Variants in FSTL4 observed in about 807,000 individuals in gnomAD.
FSTL4 encodes follistatin like 4, also known as follistatin-related protein 4.
Under a neutral mutation model 78.2 loss-of-function variants are expected in FSTL4, and 28 were observed. The ratio of observed to expected loss-of-function variants is 0.36; its 90% CI spans 0.27 to 0.49. The LOEUF is 0.49. Ranked by LOEUF, FSTL4 falls within the 20% of genes least tolerant of loss-of-function variation. The pLI, the probability that FSTL4 is intolerant of heterozygous loss-of-function variation, is 0.98. For missense variants in FSTL4, 922 were observed against 1,084.9 expected, an observed-to-expected ratio of 0.85 and a Z score of 2.11; for synonymous variants, 422 against 440.5, an observed-to-expected ratio of 0.96 and a Z score of 0.53.
chr5:133,454,032 T>C (rs1757434485), intron 3 of FSTL4, among the ~76,000 whole-genome samples: 1 of 152,226 alleles, frequency 6.6e-6, no homozygotes, highest in African/African-American at 2.4e-5. Flanking sequence ...AATTTATTTA[T>C]CTAGCTGAGC....
chr5:133,424,037 G>A (rs1239795293), intron 3 of FSTL4, among the ~76,000 whole-genome samples: 1 of 152,202 alleles, frequency 6.6e-6, no homozygotes, highest in Non-Finnish European at 1.5e-5. Context: ...CAGACCAGCA[G>A]GGCCGAGCCG....
intron 3 of FSTL4, among the ~76,000 whole-genome samples, chr5:133,517,034 A>G (rs772928268): frequency 1.1e-4 from 17 of 151,654 alleles, no homozygotes; most frequent in Non-Finnish European, 2.1e-4. Flanking sequence ...CCATGATTGC[A>G]CCACTGCACT....
chr5:133,217,157 GA>G (rs1750934984), intron 13 of FSTL4, 71 bp downstream of exon 13: 1 of 1,325,860 alleles, frequency 7.5e-7, no homozygotes. Context: ...GGAGTATGCA[GA>G]AAGCAAAGAA....
the FSTL4 span, among the ~76,000 whole-genome samples, chr5:133,653,503 T>C: frequency 3.9e-5 from 6 of 152,288 alleles, no homozygotes; most frequent in Non-Finnish European, 7.4e-5. Context: ...CTGCCTAGCA[T>C]CTTCTTCCTC....
intron 3 of FSTL4, among the ~76,000 whole-genome samples, chr5:133,535,314 G>A (rs1016604960): frequency 1.3e-5 from 2 of 152,224 alleles, no homozygotes; most frequent in African/African-American, 4.8e-5. Context: ...CTGCAGCAAT[G>A]TAACATGTCC....
chr5:133,242,461 G>A (rs778886040), intron 7 of FSTL4, among the ~76,000 whole-genome samples: 5 of 152,156 alleles, frequency 3.3e-5, no homozygotes, highest in Admixed American at 2.6e-4. Flanking sequence ...GAACCTTCCT[G>A]TGGGACCCTG....
At chr5:133,601,428 G>A (rs1214677519) in intron 2 of FSTL4, among the ~76,000 whole-genome samples, 1 of 152,200 alleles carries the variant, frequency 6.6e-6, no homozygotes, top group Non-Finnish European at 1.5e-5. Context: ...GTGTGACCAA[G>A]AGTGGTCAAA....
chr5:133,448,710 C>T (rs978229008), intron 3 of FSTL4, among the ~76,000 whole-genome samples: 7 of 110,918 alleles, frequency 6.3e-5, no homozygotes, highest in Non-Finnish European at 1.2e-4. Flanking sequence ...TCAGACAGTG[C>T]GGCTTCAGAA....
chr5:133,736,958 G>A, the FSTL4 span, among the ~76,000 whole-genome samples: 69 of 152,130 alleles, frequency 4.5e-4, no homozygotes, highest in African/African-American at 1.6e-3. Flanking sequence ...TACATAGTAG[G>A]TATATATATT....
intron 3 of FSTL4, among the ~76,000 whole-genome samples, chr5:133,445,940 C>G (rs978251434): frequency 2.6e-5 from 4 of 152,190 alleles, no homozygotes; most frequent in Non-Finnish European, 5.9e-5. Flanking sequence ...CCATTCTAGG[C>G]AAACCACGTG....
intron 6 of FSTL4, among the ~76,000 whole-genome samples, chr5:133,290,005 C>T (rs541338410): frequency 2.6e-5 from 4 of 152,238 alleles, no homozygotes; most frequent in Admixed American, 1.3e-4. Flanking sequence ...GTGAGGCCTG[C>T]GTGCAAAGTG....
the FSTL4 span, among the ~76,000 whole-genome samples, chr5:133,762,171 T>C: frequency 6.6e-6 from 1 of 152,122 alleles, no homozygotes. Flanking sequence ...TGAACCTAAA[T>C]CTTCAGGTTG....
intron 3 of FSTL4, among the ~76,000 whole-genome samples, chr5:133,544,512 T>A (rs1207864877): frequency 6.6e-6 from 1 of 152,166 alleles, no homozygotes; most frequent in African/African-American, 2.4e-5. Flanking sequence ...GAGGCAGGCA[T>A]CATGTGCTGC....
intron 4 of FSTL4, among the ~76,000 whole-genome samples, chr5:133,369,326 T>C (rs1283039564): frequency 6.6e-6 from 1 of 152,226 alleles, no homozygotes; most frequent in Non-Finnish European, 1.5e-5. Context: ...ATTTGCAGCA[T>C]GGGCGGTCCC....
chr5:133,655,103 C>G, the FSTL4 span, among the ~76,000 whole-genome samples: 11 of 152,186 alleles, frequency 7.2e-5, no homozygotes, highest in African/African-American at 2.7e-4. Context: ...CAATGTCTTT[C>G]CCCTACACCT....
At chr5:133,805,248 G>T in the FSTL4 span, among the ~76,000 whole-genome samples, 14 of 152,034 alleles carry the variant, frequency 9.2e-5, no homozygotes, top group African/African-American at 3.1e-4. Context: ...AGACAATCAT[G>T]CCCCTACTCT....
chr5:133,201,442 TG>T (rs1446001464), intron 15 of FSTL4, among the ~76,000 whole-genome samples: 1 of 152,184 alleles, frequency 6.6e-6, no homozygotes, highest in Non-Finnish European at 1.5e-5. Context: ...TGTGGTTAGA[TG>T]GGAATGTGGA....
At chr5:133,570,609 G>T (rs1228441942) in intron 2 of FSTL4, among the ~76,000 whole-genome samples, 6 of 152,152 alleles carry the variant, frequency 3.9e-5, no homozygotes, top group Admixed American at 3.9e-4. Flanking sequence ...AGTCATGATA[G>T]TTAATTCCTA....
chr5:133,326,239 T>C (rs749894721), intron 4 of FSTL4, among the ~76,000 whole-genome samples: 2 of 152,216 alleles, frequency 1.3e-5, no homozygotes, highest in Non-Finnish European at 2.9e-5. Context: ...CCAAAACCAA[T>C]GGGCTTATCT....
Sources: allele counts gnomAD v4.1 joint callset (sites outside exome capture counted in the v4.1 genomes callset), GRCh38; gene constraint gnomAD v4.1.1; transcripts MANE v1.5; gene names NCBI Gene and HGNC (gene_info 2026-07-23, HGNC 2026-07-21).